Variants in COL23A1 observed in about 807,000 individuals in gnomAD.
COL23A1 encodes collagen alpha-1(XXIII) chain.
COL23A1 carries 97 observed loss-of-function variants against 99.3 expected under a neutral mutation model. That is an observed-to-expected ratio of 0.98 (90% CI 0.83 to 1.16). The LOEUF (loss-of-function observed/expected upper bound fraction) is 1.16, where lower values mean the gene tolerates loss of function less well. Ranked by LOEUF, COL23A1 falls within the 50% of genes most tolerant of loss-of-function variation. The pLI, the probability that COL23A1 is intolerant of heterozygous loss-of-function variation, is 0.00. For missense variants in COL23A1, 762 were observed against 757.4 expected, an observed-to-expected ratio of 1.01 and a Z score of -0.07; for synonymous variants, 320 against 308.2, an observed-to-expected ratio of 1.04 and a Z score of -0.40.
At chr5:178,426,934 C>T (rs1232951353) in intron 2 of COL23A1, among the ~76,000 whole-genome samples, 3 of 152,156 alleles carry the variant, frequency 2.0e-5, no homozygotes, top group Non-Finnish European at 4.4e-5. Context: ...TGGTGGCTCA[C>T]GCCTGTCATC....
At chr5:178,583,189 C>T (rs1763749357) in intron 1 of COL23A1, among the ~76,000 whole-genome samples, 2 of 152,208 alleles carry the variant, frequency 1.3e-5, no homozygotes, top group African/African-American at 2.4e-5. Context: ...ACACTGCTAC[C>T]GATAAACCCA....
intron 3 of COL23A1, among the ~76,000 whole-genome samples, chr5:178,298,282 G>A (rs1757854326): frequency 1.3e-5 from 2 of 152,196 alleles, no homozygotes; most frequent in South Asian, 2.1e-4. Flanking sequence ...ACACCTCGGG[G>A]TTAGGAGCAG....
intron 2 of COL23A1, among the ~76,000 whole-genome samples, chr5:178,449,829 C>T (rs1767384495): frequency 6.6e-6 from 1 of 152,072 alleles, no homozygotes; most frequent in East Asian, 1.9e-4. Flanking sequence ...TGGCATCCAG[C>T]GCCGGTTAGT....
At chr5:178,549,027 G>A (rs771620065) in intron 2 of COL23A1, among the ~76,000 whole-genome samples, 17 of 151,162 alleles carry the variant, frequency 1.1e-4, no homozygotes, top group Non-Finnish European at 2.1e-4. Flanking sequence ...ATGGAGTCTC[G>A]CTCTGTTGCC....
At chr5:178,440,354 C>T (rs1766796349) in intron 2 of COL23A1, among the ~76,000 whole-genome samples, 2 of 152,146 alleles carry the variant, frequency 1.3e-5, no homozygotes, top group South Asian at 4.1e-4. Context: ...ATAACCACCG[C>T]CAGCTTCTCC....
chr5:178,321,309 C>T (rs1258524132), intron 2 of COL23A1, among the ~76,000 whole-genome samples: 1 of 152,096 alleles, frequency 6.6e-6, no homozygotes, highest in Admixed American at 6.5e-5. Flanking sequence ...ATCCTCTCTC[C>T]CCATGGCTAC....
chr5:178,471,490 C>T (rs144084985), intron 2 of COL23A1, among the ~76,000 whole-genome samples: 124 of 151,412 alleles, frequency 8.2e-4, no homozygotes, highest in African/African-American at 2.5e-3. Flanking sequence ...CTACCCGCCT[C>T]GGCCTCCCAA....
chr5:178,518,464 T>A (rs555504493), intron 2 of COL23A1, among the ~76,000 whole-genome samples: 10 of 141,372 alleles, frequency 7.1e-5, no homozygotes, highest in East Asian at 2.3e-4. Flanking sequence ...CACTTCCCAG[T>A]AGGGGCGGCC....
intron 2 of COL23A1, among the ~76,000 whole-genome samples, chr5:178,495,681 G>A (rs1029987511): frequency 1.3e-5 from 2 of 152,184 alleles, no homozygotes; most frequent in Admixed American, 6.5e-5. Flanking sequence ...GGGGAGGAAG[G>A]AGAGAGGGCA....
intron 2 of COL23A1, among the ~76,000 whole-genome samples, chr5:178,552,327 A>G (rs1303623390): frequency 6.6e-6 from 1 of 152,140 alleles, no homozygotes; most frequent in Non-Finnish European, 1.5e-5. Flanking sequence ...ACAAATACCT[A>G]TGCATAGTGA....
intron 2 of COL23A1, among the ~76,000 whole-genome samples, chr5:178,381,038 A>G (rs1763355344): frequency 6.6e-6 from 1 of 152,168 alleles, no homozygotes; most frequent in Admixed American, 6.5e-5. Context: ...TAATTTTGCA[A>G]GTTTTCACCT....
chr5:178,521,454 G>A (rs752570324), intron 2 of COL23A1, among the ~76,000 whole-genome samples: 5 of 151,680 alleles, frequency 3.3e-5, no homozygotes, highest in African/African-American at 4.8e-5. Context: ...TCGGGAGGCC[G>A]AGGCAGGAGA....
At chr5:178,246,708 A>C (rs944189862) in intron 22 of COL23A1, among the ~76,000 whole-genome samples, 6 of 115,242 alleles carry the variant, frequency 5.2e-5, no homozygotes, top group Non-Finnish European at 8.8e-5. Context: ...AAGATGAGGA[A>C]AGCAGGTGCA....
At chr5:178,490,448 C>A (rs138496674) in intron 2 of COL23A1, among the ~76,000 whole-genome samples, 1 of 151,730 alleles carries the variant, frequency 6.6e-6, no homozygotes, top group Non-Finnish European at 1.5e-5. Flanking sequence ...GAAGGGAGGA[C>A]GCGTGGGAAG....
At chr5:178,521,552 CAAAAA>C (rs5873620) in intron 2 of COL23A1, among the ~76,000 whole-genome samples, 1 of 113,336 alleles carries the variant, frequency 8.8e-6, no homozygotes, top group Admixed American at 9.0e-5. Context: ...GACTCCATCT[CAAAAA>C]AAAAAAAAAA....
intron 2 of COL23A1, among the ~76,000 whole-genome samples, chr5:178,317,565 T>G (rs1390678184): frequency 6.6e-6 from 1 of 152,246 alleles, no homozygotes; most frequent in Admixed American, 6.5e-5. Flanking sequence ...CAGATTTTCT[T>G]TATCAACACA....
In COL23A1 at chr5:178,542,215, A is replaced by G. The variant is rs554334828; in HGVS notation, c.361+18467T>C. On this transcript the variant is annotated intron_variant, in intron 2 of 28. Transcript: ENST00000390654. Reference sequence around the variant, plus strand: ...ATTACAGGCACGCGCCACCACAACCAGCTAATTTTTGTATTTTTATTAGAG... The same window carrying G: ...ATTACAGGCACGCGCCACCACAACCGGCTAATTTTTGTATTTTTATTAGAG... Among the ~76,000 whole-genome samples the G allele has an allele frequency of 2.6e-5, 4 of 152,170 alleles. No homozygotes were observed. In the South Asian group the frequency reaches 8.3e-4, roughly 32 times the overall value.
intron 5 of COL23A1, among the ~76,000 whole-genome samples, chr5:178,284,089 G>A (rs1544927): frequency 0.5 from 76,338 of 152,096 alleles, 22,277 homozygotes; most frequent in Non-Finnish European, 0.67. Flanking sequence ...CAAGAGTGCC[G>A]TGCCTAGGGC....
intron 2 of COL23A1, among the ~76,000 whole-genome samples, chr5:178,548,317 T>A (rs963298380): frequency 7.9e-5 from 12 of 151,928 alleles, no homozygotes; most frequent in Admixed American, 5.2e-4. Context: ...TCTCCTCTCA[T>A]ATGTCCCACA....
Sources: gnomAD v4.1 joint callset for allele counts (sites outside exome capture counted in the v4.1 genomes callset) on GRCh38, gnomAD v4.1.1 for gene constraint, MANE v1.5 for transcripts, NCBI Gene and HGNC (gene_info 2026-07-23, HGNC 2026-07-21) for gene names.